WDR33: variants seen among roughly 807,000 people sequenced by gnomAD.
WDR33 encodes pre-mRNA 3' end processing protein WDR33.
In WDR33, 47 loss-of-function variants were observed where a neutral mutation model predicts 164.9. The ratio of observed to expected loss-of-function variants is 0.29; its 90% CI spans 0.23 to 0.36. WDR33 has a LOEUF of 0.36. Among genes scored for constraint, WDR33 ranks in the 10% least tolerant of loss-of-function variants. The pLI is 1.00. For synonymous variants in WDR33, 505 were observed against 589.0 expected, an observed-to-expected ratio of 0.86 and a Z score of 2.06; for missense variants, 1,137 against 1,754.1, an observed-to-expected ratio of 0.65 and a Z score of 6.28.
In WDR33 at chr2:127,706,466, T is replaced by G; in HGVS notation, c.3868A>C (p.Arg1290=). 1 of 1,613,574 alleles carries G rather than the reference T, an allele frequency of 6.2e-7. No homozygotes were observed. Among genetic ancestry groups the G allele is most frequent in the Non-Finnish European group, 8.5e-7 (1 of 1,179,784 alleles). ...GGAGGGCCCCCAAAAGGTTCATCTC[T>G]GTGGTATCCATCGTGGTGCTCTCCG... ...LDGEHHDGYH[R]DEPFGGPPGS... is the part of the protein sequence containing the mutation. The change falls in exon 22 of 22, where the codon AGA becomes CGA. Residue 1290 remains arginine (R), a synonymous_variant. Coordinates refer to ENST00000322313, the MANE Select transcript of WDR33 (RefSeq NM_018383.5). This position sits in a 1 kb window ranked among gnomAD's most constrained non-coding sequence, Gnocchi z 5.1.
At chr2:127,743,985 A>C (rs1558933455) in intron 7 of WDR33, among the ~76,000 whole-genome samples, 1 of 152,214 alleles carries the variant, frequency 6.6e-6, no homozygotes, top group South Asian at 2.1e-4. Context: ...CAGATTTTTA[A>C]ATTTCATATT....
rs1686586485 is a variant in WDR33 at position 127,726,982 on chromosome 2, C to T, written c.725-205G>A. On this transcript the variant is annotated intron_variant, in intron 7 of 21. Transcript: ENST00000322313. This position sits in a 1 kb window ranked among gnomAD's most constrained non-coding sequence, Gnocchi z 4.8. ...CTCCTATGTCAAGACACACAGGAGCCAGTCCTCTCCTGGACCCAAGTGCAT... is the reference window on the plus strand; with the variant it reads ...CTCCTATGTCAAGACACACAGGAGCTAGTCCTCTCCTGGACCCAAGTGCAT... Among the ~76,000 whole-genome samples, 1 of 152,152 alleles carries T rather than the reference C, an allele frequency of 6.6e-6. No homozygotes were observed.
intron 1 of WDR33, among the ~76,000 whole-genome samples, chr2:127,788,349 C>A (rs1573463068): frequency 2.7e-5 from 3 of 112,626 alleles, no homozygotes; most frequent in Admixed American, 7.9e-5. Context: ...AGAGGGGCTC[C>A]TCACTTCCCA....
At chr2:127,794,146 A>AAGAC (rs770340710) in intron 1 of WDR33, among the ~76,000 whole-genome samples, 2 of 150,336 alleles carry the variant, frequency 1.3e-5, no homozygotes, top group Admixed American at 6.7e-5. Flanking sequence ...AGATCTTGTC[A>AAGAC]AGACAGACAG....
At chr2:127,753,342 T>C (rs1015213233) in intron 7 of WDR33, among the ~76,000 whole-genome samples, 14 of 152,276 alleles carry the variant, frequency 9.2e-5, no homozygotes. Context: ...TATTTATAGA[T>C]TGCTTATAAA....
Position 127,726,782 on chromosome 2 carries a change from C to T in WDR33, c.725-5G>A, listed in dbSNP as rs758773084. 3 of 1,613,612 alleles carry T rather than the reference C, an allele frequency of 1.9e-6. No individual in the cohort carries two copies. The highest frequency in any genetic ancestry group is 1.3e-5 in the African/African-American group (1 of 75,012). On this transcript the variant is annotated splice_polypyrimidine_tract_variant and splice_region_variant and intron_variant, in intron 7 of 21. Transcript: ENST00000322313. The surrounding 1 kb of genome is among the most constrained non-coding windows in gnomAD (Gnocchi z 4.8). Reference sequence around the variant, plus strand: ...ATTTCACATCAGCACCATGCCCTGTCGGAAACAAGTTAGGATTAAAACCTA... The same window carrying T: ...ATTTCACATCAGCACCATGCCCTGTTGGAAACAAGTTAGGATTAAAACCTA...
intron 1 of WDR33, among the ~76,000 whole-genome samples, chr2:127,782,636 G>A (rs1558953749): frequency 6.6e-6 from 1 of 152,290 alleles, no homozygotes; most frequent in East Asian, 1.9e-4. Context: ...GGTTGCATCT[G>A]TACTAAACAA....
At chr2:127,742,727 C>T (rs1276260463) in intron 7 of WDR33, among the ~76,000 whole-genome samples, 1 of 148,474 alleles carries the variant, frequency 6.7e-6, no homozygotes, top group East Asian at 2.0e-4. Flanking sequence ...CTAAGAATTC[C>T]GTAAGACAAG....
intron 1 of WDR33, among the ~76,000 whole-genome samples, chr2:127,774,625 C>T (rs1315989223): frequency 1.3e-5 from 2 of 152,046 alleles, no homozygotes; most frequent in African/African-American, 2.4e-5. Flanking sequence ...GTCAGGAGAT[C>T]GAGACCATCC....
Position 127,706,312 on chromosome 2 carries a change from A to T in WDR33, c.*11T>A. On this transcript the variant is annotated 3_prime_UTR_variant, in exon 22 of 22. Transcript: ENST00000322313. The surrounding 1 kb of genome is among the most constrained non-coding windows in gnomAD (Gnocchi z 5.1). ...TGTCCAGAGAGGCCTCAGGGTACTC[A>T]GTTCCAGCTTCTACCGACCCCTTCC... 1 of 1,536,392 alleles carries T rather than the reference A, an allele frequency of 6.5e-7. No homozygotes were observed. The highest frequency in any genetic ancestry group is 8.7e-7 in the Non-Finnish European group (1 of 1,144,958).
rs1327738224 is a variant in WDR33, at chr2:127,720,960, A to C, written c.1672-607T>G. Among the ~76,000 whole-genome samples the C allele has an allele frequency of 6.6e-6, 1 of 152,270 alleles. No individual in the cohort carries two copies. Among genetic ancestry groups the C allele is most frequent in the African/African-American group, 2.4e-5 (1 of 41,472 alleles). ...AACATAGATAAGAAAAATAAGAACA[A>C]GCTACCTGCTATATGAGCAGACAAA... On this transcript the variant is annotated intron_variant, in intron 15 of 21. Coordinates refer to ENST00000322313, the MANE Select transcript of WDR33 (RefSeq NM_018383.5). This position sits in a 1 kb window ranked among gnomAD's most constrained non-coding sequence, Gnocchi z 5.9.
intron 1 of WDR33, among the ~76,000 whole-genome samples, chr2:127,803,355 G>A (rs925144925): frequency 2.6e-5 from 4 of 152,038 alleles, no homozygotes; most frequent in Non-Finnish European, 5.9e-5. Flanking sequence ...CAAAGTGAGC[G>A]GATCACTTAA....
At chr2:127,788,631 C>T (rs1343383265) in intron 1 of WDR33, among the ~76,000 whole-genome samples, 196 of 141,918 alleles carry the variant, frequency 1.4e-3, no homozygotes, top group African/African-American at 4.8e-3. Context: ...CCGGACGGGG[C>T]GGCTGGCCGG....
intron 7 of WDR33, among the ~76,000 whole-genome samples, chr2:127,749,172 T>C (rs1380626288): frequency 1.3e-5 from 2 of 152,026 alleles, no homozygotes; most frequent in East Asian, 3.9e-4. Flanking sequence ...CTTGTATCTA[T>C]TAAAAATAAA....
At position 127,726,787 on chromosome 2, in the gene WDR33, A is replaced by G; in HGVS notation, c.725-10T>C. The G allele has an allele frequency of 6.2e-7, 1 of 1,613,776 alleles. No individual in the cohort carries two copies. Among genetic ancestry groups the G allele is most frequent in the Non-Finnish European group, 8.5e-7 (1 of 1,179,904 alleles). On this transcript the variant is annotated splice_polypyrimidine_tract_variant and intron_variant, in intron 7 of 21. Transcript: ENST00000322313. This position sits in a 1 kb window ranked among gnomAD's most constrained non-coding sequence, Gnocchi z 4.8. The stretch of plus-strand genomic sequence containing the variant: ...ACATCAGCACCATGCCCTGTCGGAA[A>G]CAAGTTAGGATTAAAACCTAATTAG...
chr2:127,750,714 G>GTATGCATACATATA (rs1558937023), intron 7 of WDR33, among the ~76,000 whole-genome samples: 49 of 33,308 alleles, frequency 1.5e-3, no homozygotes, highest in African/African-American at 6.6e-3. Context: ...ATATATATAT[G>GTATGCATACATATA]TATGTATGCA....
At chr2:127,777,539 TCAA>T (rs1259631819) in intron 1 of WDR33, among the ~76,000 whole-genome samples, 1 of 152,242 alleles carries the variant, frequency 6.6e-6, no homozygotes, top group East Asian at 1.9e-4. Context: ...TTTGTATCTT[TCAA>T]CAATGTGGTG....
chr2:127,739,672 T>C (rs570387055), intron 7 of WDR33, among the ~76,000 whole-genome samples: 1 of 152,386 alleles, frequency 6.6e-6, no homozygotes, highest in East Asian at 1.9e-4. Context: ...CTTAGCATCA[T>C]GCCTAGCATA....
At chr2:127,757,936 A>C (rs1308737599) in intron 7 of WDR33, among the ~76,000 whole-genome samples, 2 of 152,200 alleles carry the variant, frequency 1.3e-5, no homozygotes, top group African/African-American at 4.8e-5. Context: ...CAGAGACTTA[A>C]CAAAAGTATT....
Sources: gnomAD v4.1 joint callset for allele counts (sites outside exome capture counted in the v4.1 genomes callset) on GRCh38, gnomAD v4.1.1 for gene constraint, Gnocchi (gnomAD v3.1) non-coding constraint, MANE v1.5 for transcripts, NCBI Gene and HGNC (gene_info 2026-07-23, HGNC 2026-07-21) for gene names.